Variants in SEC31A observed in about 807,000 individuals in gnomAD.
SEC31A encodes the protein SEC31 homolog A, COPII component.
In SEC31A, 70 loss-of-function variants were observed where a neutral mutation model predicts 151.0. The ratio of observed to expected loss-of-function variants is 0.46; its 90% confidence interval spans 0.38 to 0.57. The LOEUF (loss-of-function observed/expected upper bound fraction) is 0.57. Ranked by LOEUF, SEC31A falls within the 20% of genes least tolerant of loss-of-function variation. The pLI, the probability that SEC31A is intolerant of heterozygous loss-of-function variation, is 0.00. For synonymous variants in SEC31A, 475 were observed against 505.9 expected, an observed-to-expected ratio of 0.94 and a Z score of 0.82; for missense variants, 1,330 against 1,471.2, an observed-to-expected ratio of 0.90 and a Z score of 1.57.
At chr4:82,893,522 A>G (rs1719932681), upstream of SEC31A, 1 of 152,240 alleles carries the variant, frequency 6.6e-6, no homozygotes, top group Non-Finnish European at 1.5e-5. Context: ...CACCTCAGTA[A>G]AACAGTAGCA....
intron 21 of SEC31A, 35 bp from the exon 22 acceptor site, chr4:82,842,516 G>C (rs1382157329): frequency 1.3e-5 from 20 of 1,507,556 alleles, no homozygotes; most frequent in Non-Finnish European, 1.8e-5. Context: ...ATTTCAATTA[G>C]TTACAAGTTT....
At position 82,864,446 on chromosome 4, in the gene SEC31A, C is replaced by G. The variant is rs369885924; in HGVS notation, c.1350G>C (p.Gln450His). 8 of 1,614,120 alleles carry G rather than the reference C, an allele frequency of 5.0e-6. No individual in the cohort carries two copies. The highest frequency in any genetic ancestry group is 1.7e-5 in the Admixed American group (1 of 60,010). The change falls in exon 11 of 27, where the codon CAG becomes CAC. Residue 450 changes from glutamine to histidine, a missense_variant. Coordinates refer to ENST00000395310, the MANE Select transcript of SEC31A (RefSeq NM_001077207.4). ...GGCAATAATTGATAAATCCTTGTGA[C>G]TGCACAGCCTGCTGAAGTTGGTCTG... ...SRSDQLQQAV[Q>H]SQGFINYCQK...
At chr4:82,888,380 A>C (rs1225925834) in intron 1 of SEC31A, among the ~76,000 whole-genome samples, 1 of 105,736 alleles carries the variant, frequency 9.5e-6, no homozygotes, top group African/African-American at 2.7e-5. Flanking sequence ...AAAACACACA[A>C]AAAACATATA....
At chr4:82,845,654 T>C (rs1344112204) in intron 20 of SEC31A, among the ~76,000 whole-genome samples, 1 of 147,362 alleles carries the variant, frequency 6.8e-6, no homozygotes, top group African/African-American at 2.6e-5. Context: ...AAAAAAAAAG[T>C]AATTGAGTAA....
Position 82,827,391 on chromosome 4 carries a change from G to T in SEC31A, c.3269C>A (p.Ala1090Asp). 6.2e-7 allele frequency: 1 copy of T among 1,614,088 alleles called. No individual in the cohort carries two copies. Among genetic ancestry groups the T allele is most frequent in the Non-Finnish European group, 8.5e-7 (1 of 1,179,926 alleles). The change falls in exon 24 of 27, where the codon GCT becomes GAT. Residue 1090 changes from alanine to aspartate, a missense_variant. Ala to Asp is a moderately radical substitution (Grantham distance 126). Coordinates refer to ENST00000395310, the MANE Select transcript of SEC31A (RefSeq NM_001077207.4). ...SKPNIEGAPG[A>D]PIGNTFQHVQ... ...TACCTGGAAGGTATTTCCAATAGGA[G>T]CCCCTGGGGCACCTTCAATATTGGG...
intron 18 of SEC31A, among the ~76,000 whole-genome samples, chr4:82,851,965 T>A (rs1578231025): frequency 1.3e-5 from 2 of 152,128 alleles, no homozygotes; most frequent in Non-Finnish European, 2.9e-5. Context: ...TGAGTGAAAA[T>A]ATCTGATATG....
intron 3 of SEC31A, chr4:82,899,413 T>C (rs974921299): frequency 3.3e-5 from 5 of 152,224 alleles, no homozygotes; most frequent in Admixed American, 2.0e-4. Flanking sequence ...TCCTTAAAGA[T>C]AGCTAAAAAC....
chr4:82,864,690 G>T, intron 10 of SEC31A, 92 bp from the exon 11 acceptor site: 2 of 855,900 alleles, frequency 2.3e-6, no homozygotes, highest in Admixed American at 2.3e-5. Flanking sequence ...TAATCTGGAT[G>T]AAATTAGTTG....
chr4:82,871,500 C>T (rs1373295407), intron 7 of SEC31A: 2 of 1,058,374 alleles, frequency 1.9e-6, no homozygotes, highest in South Asian at 2.7e-5. Flanking sequence ...CATTAAGTTC[C>T]TACGGTGGCC....
chr4:82,873,499 CATT>C (rs1199144730), intron 6 of SEC31A, among the ~76,000 whole-genome samples: 1 of 151,970 alleles, frequency 6.6e-6, no homozygotes, highest in Non-Finnish European at 1.5e-5. Context: ...AATAAATTAA[CATT>C]ATTAGGAACT....
intron 21 of SEC31A, among the ~76,000 whole-genome samples, chr4:82,843,518 C>T (rs72927475): frequency 0.021 from 3,244 of 152,238 alleles, 125 homozygotes; most frequent in African/African-American, 0.074. Flanking sequence ...TAGAGTGAAT[C>T]TAGTAAAAGT....
chr4:82,836,706 C>T (rs1727398775), intron 22 of SEC31A, among the ~76,000 whole-genome samples: 1 of 151,992 alleles, frequency 6.6e-6, no homozygotes, highest in Non-Finnish European at 1.5e-5. Flanking sequence ...TTACCAGAAG[C>T]TGTGGGGAAC....
chr4:82,866,086 G>C (rs1448658773), intron 10 of SEC31A, among the ~76,000 whole-genome samples: 1 of 139,128 alleles, frequency 7.2e-6, no homozygotes, highest in African/African-American at 2.8e-5. Context: ...AAAAAAAGAA[G>C]AAAAGAAAAG....
intron 2 of SEC31A, among the ~76,000 whole-genome samples, chr4:82,881,589 T>C (rs1229603528): frequency 6.6e-6 from 1 of 151,628 alleles, no homozygotes; most frequent in Admixed American, 6.6e-5. Context: ...ATATTAACTG[T>C]TTTTTTTACA....
intron 20 of SEC31A, chr4:82,845,171 C>T: frequency 3.5e-6 from 5 of 1,413,176 alleles, no homozygotes; most frequent in Non-Finnish European, 3.9e-6. Context: ...GAGCAGAATT[C>T]TGCTCAAAGA....
At chr4:82,858,283 T>C (rs992387024) in intron 14 of SEC31A, among the ~76,000 whole-genome samples, 5 of 151,478 alleles carry the variant, frequency 3.3e-5, no homozygotes, top group Non-Finnish European at 7.4e-5. Context: ...CTGTGACTCA[T>C]GCCTGTAATC....
chr4:82,853,631 A>C lies in SEC31A; in HGVS notation c.2093T>G (p.Val698Gly), dbSNP rs200298695. The C allele has an allele frequency of 3.1e-6, 5 of 1,606,178 alleles. No homozygotes were observed. The highest frequency in any genetic ancestry group is 4.2e-6 in the Non-Finnish European group (5 of 1,178,042). Residue 698 changes from valine to glycine, a missense_variant, in exon 18 of 27, where the codon GTA (valine) becomes GGA (glycine). By Grantham distance (109) the Val-to-Gly change is moderately radical. Transcript: ENST00000395310. ...AGTCCAACATGCAACTAATTTCTCT[A>C]CATTCCCTGCACAAATATAGCAGAG... ...ACLCYICAGNVEKLVACWTKA... is the reference protein window; with the variant it reads ...ACLCYICAGNGEKLVACWTKA...
intron 25 of SEC31A, among the ~76,000 whole-genome samples, chr4:82,821,962 T>C (rs949619653): frequency 1.1e-4 from 17 of 152,188 alleles, no homozygotes; most frequent in Admixed American, 1.1e-3. Context: ...AAGAAAACTA[T>C]CTTTTGGCAG....
At chr4:82,891,409 G>A, upstream of SEC31A, 1 of 586,544 alleles carries the variant, frequency 1.7e-6, no homozygotes, top group Non-Finnish European at 3.0e-6. Flanking sequence ...GCGGCGCGCA[G>A]AATGTGGATG....
Sources: gnomAD v4.1 joint callset for allele counts (sites outside exome capture counted in the v4.1 genomes callset) on GRCh38, gnomAD v4.1.1 for gene constraint, MANE v1.5 for transcripts, NCBI Gene and HGNC (gene_info 2026-07-23, HGNC 2026-07-21) for gene names.